The following ASH2L variants were observed in gnomAD, a reference collection of about 807,000 sequenced individuals.
The protein encoded by ASH2L is set1/Ash2 histone methyltransferase complex subunit ASH2.
Under a neutral mutation model 81.1 loss-of-function variants are expected in ASH2L, and 30 were observed. The ratio of observed to expected loss-of-function variants is 0.37; its 90% CI spans 0.28 to 0.50. ASH2L has a LOEUF of 0.50. ASH2L is among the 20% of genes least tolerant of loss of function. The pLI is 0.95. For synonymous variants in ASH2L, 273 were observed against 279.9 expected, an observed-to-expected ratio of 0.98 and a Z score of 0.24; for missense variants, 559 against 792.1, an observed-to-expected ratio of 0.71 and a Z score of 3.53.
intron 10 of ASH2L, chr8:38,123,931 C>G (rs1259320637): frequency 1.3e-5 from 2 of 151,960 alleles, no homozygotes; most frequent in Non-Finnish European, 2.9e-5. Context: ...GCCTTCACCT[C>G]CCTGGCTCAA....
intron 14 of ASH2L, chr8:38,138,106 C>T (rs1802339397): frequency 6.6e-6 from 1 of 152,044 alleles, no homozygotes; most frequent in Admixed American, 6.6e-5. Context: ...AGCAAAACCC[C>T]CTTTCTACAA....
Position 38,128,455 on chromosome 8 carries a change from C to T in ASH2L, c.1330C>T (p.Leu444=). ...TAARLGWSQP[L]GNLQAPLGYD... is the part of the protein sequence containing the mutation. ...TGCCAGACTGGGTTGGTCCCAGCCC[C>T]TAGGTAAGCTGGGGCCTTAATATGG... is the stretch of plus-strand genomic sequence containing the variant. The change falls in exon 11 of 16, where the codon CTA becomes TTA. Residue 444 remains leucine, a synonymous_variant. Coordinates refer to ENST00000343823, the MANE Select transcript of ASH2L (RefSeq NM_004674.5). 1 of 1,613,352 alleles carries T rather than the reference C, an allele frequency of 6.2e-7. No homozygotes were observed. The highest frequency in any genetic ancestry group is 2.2e-5 in the East Asian group (1 of 44,884).
rs751840515 is a variant in ASH2L, at chr8:38,128,733, C to G, written c.1334-25C>G. Reference sequence around the variant, plus strand: ...GATTTGACTTGCAATCTTCTGACTTCCTGTGTATGTTTTTATTGGGACAGG... The same window carrying G: ...GATTTGACTTGCAATCTTCTGACTTGCTGTGTATGTTTTTATTGGGACAGG... On this transcript the variant is annotated intron_variant, in intron 11 of 15. Coordinates refer to ENST00000343823, the MANE Select transcript of ASH2L (RefSeq NM_004674.5). The G allele has an allele frequency of 2.5e-6, 4 of 1,595,836 alleles. No individual in the cohort carries two copies. In the Admixed American group the frequency reaches 5.6e-5, roughly 22 times the overall value.
intron 9 of ASH2L, among the ~76,000 whole-genome samples, chr8:38,119,719 C>A (rs546013543): frequency 1.3e-5 from 2 of 151,736 alleles, no homozygotes; most frequent in African/African-American, 4.8e-5. Context: ...GCAGGAGAAT[C>A]GCTTGAACCT....
chr8:38,125,477 G>T (rs1801801143), intron 10 of ASH2L, among the ~76,000 whole-genome samples: 1 of 151,768 alleles, frequency 6.6e-6, no homozygotes, highest in Admixed American at 6.6e-5. Context: ...AAAATTGCGG[G>T]CCTGGTGGTA....
In ASH2L at chr8:38,135,756, A is replaced by G. The variant is rs926315142; in HGVS notation, c.1709A>G (p.Lys570Arg). The change falls in exon 14 of 16, where the codon AAG becomes AGG. Residue 570 changes from lysine to arginine, a missense_variant. Coordinates refer to ENST00000343823, the MANE Select transcript of ASH2L (RefSeq NM_004674.5). ...TACTTCCCAGCCATCTCACTGTACA[A>G]GAGCTGCACGGTACGTACATGTTTC... Reference protein sequence around the residue: ...GVYFPAISLYKSCTVSINFGP... With the variant: ...GVYFPAISLYRSCTVSINFGP... 1.2e-6 allele frequency: 2 copies of G among 1,611,304 alleles called. No individual in the cohort carries two copies. Among genetic ancestry groups the G allele is most frequent in the Non-Finnish European group, 1.7e-6 (2 of 1,178,562 alleles).
At chr8:38,107,866 A>ATGTGTG (rs1276322577) in intron 3 of ASH2L, among the ~76,000 whole-genome samples, 30 of 106,036 alleles carry the variant, frequency 2.8e-4, no homozygotes, top group African/African-American at 1.1e-3. Context: ...AGAAATACAT[A>ATGTGTG]TATGTGTGTG....
intron 12 of ASH2L, among the ~76,000 whole-genome samples, chr8:38,132,427 T>A (rs76337205): frequency 0.015 from 2,302 of 152,222 alleles, 56 homozygotes; most frequent in African/African-American, 0.053. Context: ...AAGAAAGAGG[T>A]GACCCAGAGA....
chr8:38,121,212 G>T, intron 10 of ASH2L, 63 bp downstream of exon 10: 9 of 1,462,080 alleles, frequency 6.2e-6, no homozygotes, highest in Non-Finnish European at 8.6e-6. Context: ...CATTAGCCTT[G>T]TCAGTCTAGA....
chr8:38,116,139 G>A (rs997821841), intron 7 of ASH2L, among the ~76,000 whole-genome samples: 3 of 152,126 alleles, frequency 2.0e-5, no homozygotes, highest in Non-Finnish European at 4.4e-5. Flanking sequence ...AAGGTGGGTG[G>A]ATCACCTGAG....
At chr8:38,125,187 T>C (rs1419727979) in intron 10 of ASH2L, among the ~76,000 whole-genome samples, 1 of 152,204 alleles carries the variant, frequency 6.6e-6, no homozygotes, top group Non-Finnish European at 1.5e-5. Flanking sequence ...TAGCGATACC[T>C]TGTACACTTT....
intron 12 of ASH2L, among the ~76,000 whole-genome samples, chr8:38,131,138 C>CT (rs1802044954): frequency 6.6e-6 from 1 of 152,122 alleles, no homozygotes; most frequent in South Asian, 2.1e-4. Flanking sequence ...TGGAAATACT[C>CT]TGAGTTTATT....
chr8:38,130,521 T>G (rs1585602760), intron 12 of ASH2L, among the ~76,000 whole-genome samples: 1 of 152,190 alleles, frequency 6.6e-6, no homozygotes, highest in Non-Finnish European at 1.5e-5. Flanking sequence ...CTCCCTGTCA[T>G]GAAGATATTC....
chr8:38,129,054 C>G, intron 12 of ASH2L, 103 bp downstream of exon 12: 1 of 1,478,400 alleles, frequency 6.8e-7, no homozygotes, highest in East Asian at 2.3e-5. Context: ...CCACAGCTCA[C>G]GTTTTTTCCT....
At chr8:38,131,690 C>T (rs1046773960) in intron 12 of ASH2L, among the ~76,000 whole-genome samples, 5 of 152,086 alleles carry the variant, frequency 3.3e-5, no homozygotes, top group African/African-American at 4.8e-5. Flanking sequence ...CATGTCCACA[C>T]GACAGAATAC....
At chr8:38,107,902 G>A (rs1474991658) in intron 3 of ASH2L, among the ~76,000 whole-genome samples, 1 of 143,894 alleles carries the variant, frequency 6.9e-6, no homozygotes, top group Non-Finnish European at 1.5e-5. Context: ...GTGTGTGTGT[G>A]TGTATATGTA....
chr8:38,133,708 C>T (rs565886901), intron 13 of ASH2L, among the ~76,000 whole-genome samples, 162 bp downstream of exon 13: 1 of 152,174 alleles, frequency 6.6e-6, no homozygotes, highest in East Asian at 1.9e-4. Context: ...TTGTGTTTTG[C>T]TCTTTATGTA....
At chr8:38,129,896 TG>T (rs1419434078) in intron 12 of ASH2L, among the ~76,000 whole-genome samples, 1 of 152,234 alleles carries the variant, frequency 6.6e-6, no homozygotes, top group Non-Finnish European at 1.5e-5. Context: ...GTCTCAGGTT[TG>T]GGGCTACTAT....
At chr8:38,112,658 T>C (rs1199112812) in intron 5 of ASH2L, among the ~76,000 whole-genome samples, 2 of 152,232 alleles carry the variant, frequency 1.3e-5, no homozygotes, top group Admixed American at 1.3e-4. Flanking sequence ...TTTGTTTTAT[T>C]ATTAGTGATC....
Sources: gnomAD v4.1 joint callset for allele counts (sites outside exome capture counted in the v4.1 genomes callset) on GRCh38, gnomAD v4.1.1 for gene constraint, MANE v1.5 for transcripts, NCBI Gene and HGNC (gene_info 2026-07-23, HGNC 2026-07-21) for gene names.